ASIC2: variants seen among roughly 807,000 people sequenced by gnomAD.
The protein encoded by ASIC2 is acid-sensing ion channel 2.
A neutral mutation model predicts 57.3 loss-of-function variants in ASIC2; 25 were observed. The ratio of observed to expected loss-of-function variants is 0.44; its 90% CI spans 0.32 to 0.61. The LOEUF (loss-of-function observed/expected upper bound fraction) is 0.61, where lower values mean the gene tolerates loss of function less well. Ranked by LOEUF, ASIC2 falls within the 20% of genes least tolerant of loss-of-function variation. The pLI, the probability that ASIC2 is intolerant of heterozygous loss-of-function variation, is 0.06. For missense variants in ASIC2, 641 were observed against 738.1 expected (o/e 0.87, Z 1.52); for synonymous variants, 319 against 307.5 (o/e 1.04, Z -0.39).
intron 3 of ASIC2, among the ~76,000 whole-genome samples, chr17:33,051,604 C>T (rs1235864097): frequency 1.3e-5 from 2 of 152,166 alleles, no homozygotes; most frequent in African/African-American, 4.8e-5. Flanking sequence ...GCTTGAAATT[C>T]ATCCTTGCCA....
chr17:33,978,601 AG>A (rs1233881527), intron 1 of ASIC2, among the ~76,000 whole-genome samples: 3 of 152,206 alleles, frequency 2.0e-5, no homozygotes, highest in Non-Finnish European at 2.9e-5. Flanking sequence ...CTGCAGGGCA[AG>A]CCCTATTTCA....
intron 1 of ASIC2, among the ~76,000 whole-genome samples, chr17:33,671,223 A>G (rs935482411): frequency 6.6e-6 from 1 of 152,180 alleles, no homozygotes; most frequent in African/African-American, 2.4e-5. Context: ...CTCACATGGC[A>G]TTCTGTGCTA....
Position 33,594,389 on chromosome 17 carries a change from C to G in ASIC2, c.556-482322G>C, listed in dbSNP as rs117649282. Among the ~76,000 whole-genome samples the G allele has an allele frequency of 5.6e-4, 86 of 152,336 alleles. No homozygotes were observed. The East Asian group carries it at 0.015, about 26-fold the overall frequency. ...GAAGTGAGAGAAACCCAGTGAAGGT[C>G]AACATTGTCTACAGTGACTTAGAAT... is the stretch of plus-strand genomic sequence containing the variant. On this transcript the variant is annotated intron_variant, in intron 1 of 9. Coordinates refer to the ASIC2 transcript ENST00000359872.
intron 1 of ASIC2, among the ~76,000 whole-genome samples, chr17:33,569,846 G>A (rs773758729): frequency 2.6e-5 from 4 of 152,232 alleles, no homozygotes; most frequent in Admixed American, 6.5e-5. Context: ...GTCATGTGTC[G>A]CATGTTAGAA....
In ASIC2 at chr17:33,443,552, T is replaced by G. The variant is rs973519376; in HGVS notation, c.556-331485A>C. Among the ~76,000 whole-genome samples, 38 of 144,294 alleles carry G rather than the reference T, an allele frequency of 2.6e-4. No homozygotes were observed. The East Asian group carries it at 6.7e-3, about 26-fold the overall frequency. The allele number at this position is 144,294 out of a possible 152,430, so 94.7% of individuals were successfully genotyped here. A position where few individuals can be genotyped will look rare whatever the true frequency, so the allele number is the denominator to read the frequency against. On this transcript the variant is annotated intron_variant, in intron 1 of 9. Coordinates refer to the ASIC2 transcript ENST00000359872. ...CCTCAGCCTCCCAAGTAGCTGGGAC[T>G]ACAGGCGCCCGCCACTACGCCCGGC... is the stretch of plus-strand genomic sequence containing the variant.
At chr17:33,868,477 G>A (rs971837698) in intron 1 of ASIC2, among the ~76,000 whole-genome samples, 2 of 141,956 alleles carry the variant, frequency 1.4e-5, no homozygotes, top group Non-Finnish European at 3.0e-5. Flanking sequence ...GATTTAAAAT[G>A]TAACAGCTAA....
chr17:33,866,570 G>A (rs923195925), intron 1 of ASIC2, among the ~76,000 whole-genome samples: 2 of 152,094 alleles, frequency 1.3e-5, no homozygotes, highest in African/African-American at 2.4e-5. Flanking sequence ...TATTTAAAAT[G>A]TTCATACTTC....
chr17:33,816,146 C>T (rs1912572661), intron 1 of ASIC2, among the ~76,000 whole-genome samples: 1 of 105,808 alleles, frequency 9.5e-6, no homozygotes, highest in South Asian at 3.4e-4. Context: ...TGAGTTGTTT[C>T]CTGAGTAGGA....
At chr17:33,126,139 A>T (rs2092322203) in intron 1 of ASIC2, among the ~76,000 whole-genome samples, 1 of 152,194 alleles carries the variant, frequency 6.6e-6, no homozygotes, top group South Asian at 2.1e-4. Context: ...ACAGATGAGG[A>T]AATTGGGGTT....
intron 1 of ASIC2, among the ~76,000 whole-genome samples, chr17:33,622,335 C>A (rs905902034): frequency 6.6e-6 from 1 of 152,038 alleles, no homozygotes; most frequent in Admixed American, 6.5e-5. Context: ...CGGGACTAGG[C>A]TTTAGGATTG....
intron 1 of ASIC2, among the ~76,000 whole-genome samples, chr17:33,796,738 A>G (rs2130817): frequency 0.69 from 104,284 of 152,038 alleles, 36,584 homozygotes; most frequent in Non-Finnish European, 0.77. Flanking sequence ...GCCTTGAATG[A>G]CAAGTATGAA....
At position 33,425,960 on chromosome 17, in the gene ASIC2, C is replaced by T. The variant is rs189291264; in HGVS notation, c.556-313893G>A. Among the ~76,000 whole-genome samples the T allele has an allele frequency of 2.4e-3, 363 of 152,168 alleles. 1 individual carries two copies. The highest frequency in any genetic ancestry group is 7.9e-3 in the African/African-American group (326 of 41,506). ...ATGGCTGTAGGGGTGGAAGGTGAAG[C>T]GCAGGGACTCTGGAGAGAGAGGGGC... On this transcript the variant is annotated intron_variant, in intron 1 of 9. Coordinates refer to the ASIC2 transcript ENST00000359872.
intron 1 of ASIC2, among the ~76,000 whole-genome samples, chr17:33,982,150 T>G (rs145156314): frequency 6.6e-6 from 1 of 152,230 alleles, no homozygotes; most frequent in East Asian, 1.9e-4. Context: ...CTGGAGCCAT[T>G]GCTTGGAAAT....
rs7220299 is a variant in ASIC2 at position 33,110,398 on chromosome 17, C to T, written c.859+1519G>A. ...AGAGATCAGAACGGACACAAACCTT[C>T]GTCCCTCTGCATCTGGAAGGGCATT... On this transcript the variant is annotated intron_variant, in intron 2 of 9. Coordinates refer to ENST00000225823, the MANE Select transcript of ASIC2 (RefSeq NM_183377.2). Among the ~76,000 whole-genome samples, 1,053 of 152,282 alleles carry T rather than the reference C, an allele frequency of 6.9e-3. 11 individuals carry two copies. Among genetic ancestry groups the T allele is most frequent in the African/African-American group, 0.024 (984 of 41,574 alleles).
At chr17:33,095,109 G>C (rs113149094) in intron 2 of ASIC2, among the ~76,000 whole-genome samples, 3,596 of 152,318 alleles carry the variant, frequency 0.024, 73 homozygotes, top group Admixed American at 0.054. Flanking sequence ...TTAGCACAGA[G>C]TTTAGCTTAA....
intron 3 of ASIC2, among the ~76,000 whole-genome samples, chr17:33,081,825 G>A (rs1304521436): frequency 3.3e-5 from 5 of 152,198 alleles, no homozygotes; most frequent in African/African-American, 9.6e-5. Context: ...TCAAATGGTG[G>A]AAATGTGGCC....
chr17:33,749,570 C>T (rs1910367308), intron 1 of ASIC2, among the ~76,000 whole-genome samples: 1 of 152,110 alleles, frequency 6.6e-6, no homozygotes, highest in Admixed American at 6.5e-5. Context: ...CCTGAGCTGG[C>T]TGTCCCCATC....
rs565970100 is a variant in ASIC2, at chr17:34,149,992, T to A, written c.555+5986A>T. On this transcript the variant is annotated intron_variant, in intron 1 of 9. Coordinates refer to the ASIC2 transcript ENST00000359872. The stretch of plus-strand genomic sequence containing the variant: ...GCCAAGATATGGAATCAACCTAGTG[T>A]CCATTGATAGGTGAATAAATAAAGA... Among the ~76,000 whole-genome samples the A allele has an allele frequency of 1.6e-4, 24 of 152,292 alleles. No homozygotes were observed. The South Asian group carries it at 4.6e-3, about 29-fold the overall frequency.
At chr17:33,921,005 T>C (rs950582758) in intron 1 of ASIC2, among the ~76,000 whole-genome samples, 2 of 152,180 alleles carry the variant, frequency 1.3e-5, no homozygotes, top group Non-Finnish European at 2.9e-5. Flanking sequence ...AACCAATACA[T>C]AGAAAGCTGT....
Sources: allele counts gnomAD v4.1 joint callset (sites outside exome capture counted in the v4.1 genomes callset), GRCh38; gene constraint gnomAD v4.1.1; transcripts MANE v1.5; gene names NCBI Gene and HGNC (gene_info 2026-07-23, HGNC 2026-07-21).